IL19: variants seen among roughly 807,000 people sequenced by gnomAD.
IL19 encodes the protein interleukin 19, also known as interleukin-19.
IL19 carries 15 observed loss-of-function variants against 19.5 expected under a neutral mutation model. That is an observed-to-expected ratio of 0.77 (90% confidence interval 0.52 to 1.19). The LOEUF (loss-of-function observed/expected upper bound fraction) is 1.19. IL19 is among the 50% of genes most tolerant of loss of function. The probability of loss-of-function intolerance (pLI) is 0.00; values close to 1 mark genes in which losing one functional copy is unlikely to be tolerated. For synonymous variants in IL19, 78 were observed against 78.3 expected (o/e 1.00, Z 0.02); for missense variants, 199 against 213.1 (o/e 0.93, Z 0.41).
At chr1:206,833,501 A>T (rs946825122) in intron 2 of IL19, among the ~76,000 whole-genome samples, 1 of 152,284 alleles carries the variant, frequency 6.6e-6, no homozygotes, top group South Asian at 2.1e-4. Flanking sequence ...GCAGTAACTC[A>T]GTCCAAACCA....
chr1:206,781,919 A>ATAACATATACATAT (rs1341227817), intron 1 of IL19, among the ~76,000 whole-genome samples: 7 of 106,574 alleles, frequency 6.6e-5, no homozygotes, highest in African/African-American at 2.8e-4. Flanking sequence ...ATATGTATAT[A>ATAACATATACATAT]GTTATATATA....
In IL19 at chr1:206,776,777, G is replaced by T. The variant is rs549124282; in HGVS notation, c.-149+5699G>T. On this transcript the variant is annotated intron_variant, in intron 1 of 6. Coordinates refer to ENST00000659997, the MANE Select transcript of IL19 (RefSeq NM_153758.5). The stretch of plus-strand genomic sequence containing the variant: ...GTAAAGAAATAGCCAATCATCTATC[G>T]CCTGAGAGCACAGCGGGAGGGACAA... 7.9e-5 allele frequency among the ~76,000 whole-genome samples: 12 copies of T among 151,958 alleles called. No individual in the cohort carries two copies. In the South Asian group the frequency reaches 1.2e-3, roughly 16 times the overall value.
At chr1:206,818,813 C>CT (rs1429664563) in intron 2 of IL19, among the ~76,000 whole-genome samples, 6 of 83,730 alleles carry the variant, frequency 7.2e-5, no homozygotes, top group Non-Finnish European at 8.6e-5. Context: ...TTTTCTTTTT[C>CT]TTTCTTTTTT....
At chr1:206,832,666 T>C (rs971807354) in intron 2 of IL19, among the ~76,000 whole-genome samples, 1 of 152,192 alleles carries the variant, frequency 6.6e-6, no homozygotes, top group Non-Finnish European at 1.5e-5. Flanking sequence ...TGCAATTCTA[T>C]GTTCATACAG....
At chr1:206,780,036 T>C (rs911488556) in intron 1 of IL19, among the ~76,000 whole-genome samples, 3 of 146,832 alleles carry the variant, frequency 2.0e-5, no homozygotes, top group African/African-American at 7.4e-5. Context: ...CATTTAGTTC[T>C]CCCTTCCTGC....
At chr1:206,793,872 G>T (rs1047406088) in intron 1 of IL19, among the ~76,000 whole-genome samples, 3 of 152,236 alleles carry the variant, frequency 2.0e-5, no homozygotes, top group African/African-American at 7.2e-5. Flanking sequence ...AGGGAGGAGT[G>T]TGCCTGTTGA....
chr1:206,804,526 C>T (rs753050830), intron 2 of IL19, among the ~76,000 whole-genome samples: 5 of 152,130 alleles, frequency 3.3e-5, no homozygotes, highest in Non-Finnish European at 7.4e-5. Context: ...ATAAAGTGTG[C>T]ATTGTGTGAG....
chr1:206,833,772 TGAAG>T (rs1211524601), intron 2 of IL19: 3 of 985,332 alleles, frequency 3.0e-6, no homozygotes, highest in Non-Finnish European at 3.6e-6. Context: ...GGGGACAAGA[TGAAG>T]GGGAAATAGA....
At chr1:206,794,015 T>A (rs745410910) in intron 1 of IL19, among the ~76,000 whole-genome samples, 2 of 152,170 alleles carry the variant, frequency 1.3e-5, no homozygotes, top group Non-Finnish European at 2.9e-5. Context: ...CACCACTTAA[T>A]GTTCCAAAGA....
Position 206,792,821 on chromosome 1 carries a change from C to A in IL19, c.-148-6040C>A, listed in dbSNP as rs189064464. On this transcript the variant is annotated intron_variant, in intron 1 of 6. Transcript: ENST00000659997. ...ATCTGAGTTCAGAGAGGTAATGTGC[C>A]CAATCCAAGCCTACACAGCTGATAA... Among the ~76,000 whole-genome samples the A allele has an allele frequency of 9.2e-5, 14 of 152,152 alleles. No homozygotes were observed. In the East Asian group the frequency reaches 2.5e-3, roughly 27 times the overall value.
rs34642536 is a variant in IL19, at chr1:206,821,839, G to A, written c.-2-14822G>A. 2.4e-4 allele frequency among the ~76,000 whole-genome samples: 37 copies of A among 152,352 alleles called. No individual in the cohort carries two copies. The East Asian group carries it at 3.5e-3, about 14-fold the overall frequency. ...ATGTCCTTTGTGGGAAGGCTGGAAG[G>A]AAAGCCGCCCACTGAAATGAAAACT... On this transcript the variant is annotated intron_variant, in intron 2 of 6. Transcript: ENST00000659997.
At chr1:206,812,866 G>T (rs1467497286) in intron 2 of IL19, among the ~76,000 whole-genome samples, 1 of 152,000 alleles carries the variant, frequency 6.6e-6, no homozygotes, top group Non-Finnish European at 1.5e-5. Context: ...TACAGGTTTT[G>T]TTGGAAGTTA....
At chr1:206,839,594 T>A (rs926507984) in intron 4 of IL19, among the ~76,000 whole-genome samples, 6 of 152,156 alleles carry the variant, frequency 3.9e-5, no homozygotes, top group African/African-American at 1.4e-4. Flanking sequence ...CTATGATGGA[T>A]TCTGGGCCCC....
intron 1 of IL19, among the ~76,000 whole-genome samples, chr1:206,785,976 G>T (rs1352261297): frequency 6.6e-6 from 1 of 150,510 alleles, no homozygotes; most frequent in African/African-American, 2.4e-5. Flanking sequence ...GTCACAGGAT[G>T]TAAACTGTGT....
intron 1 of IL19, among the ~76,000 whole-genome samples, chr1:206,784,934 C>G (rs1675234641): frequency 1.3e-5 from 2 of 152,180 alleles, no homozygotes; most frequent in South Asian, 4.1e-4. Context: ...AATAAATTCC[C>G]TTGAGAGAGG....
Position 206,823,669 on chromosome 1 carries a change from A to G in IL19, c.-2-12992A>G, listed in dbSNP as rs372318449. 1.0e-3 allele frequency among the ~76,000 whole-genome samples: 152 copies of G among 151,990 alleles called. 1 individual carries two copies. The highest frequency in any genetic ancestry group is 3.4e-3 in the African/African-American group (140 of 41,444). The stretch of plus-strand genomic sequence containing the variant: ...TATCTATTTTATTTTTGTGTTCTCT[A>G]TAATTTTTCCATACCAAAGCAAGGA... On this transcript the variant is annotated intron_variant, in intron 2 of 6. Coordinates refer to ENST00000659997, the MANE Select transcript of IL19 (RefSeq NM_153758.5).
At chr1:206,802,595 A>G (rs1331482776) in intron 2 of IL19, among the ~76,000 whole-genome samples, 1 of 152,180 alleles carries the variant, frequency 6.6e-6, no homozygotes, top group Admixed American at 6.5e-5. Context: ...ATTGGGAAAG[A>G]GCTTCATGGG....
chr1:206,815,701 C>A (rs1396498706), intron 2 of IL19, among the ~76,000 whole-genome samples: 2 of 152,058 alleles, frequency 1.3e-5, no homozygotes, highest in African/African-American at 4.8e-5. Flanking sequence ...CATAACCAGA[C>A]ATATCTTAAA....
At chr1:206,833,875 C>CA in intron 2 of IL19, 2 of 985,386 alleles carry the variant, frequency 2.0e-6, no homozygotes, top group Non-Finnish European at 2.4e-6. Context: ...AGTTAGCTAG[C>CA]ACCTGGCACA....
Sources: gnomAD v4.1 joint callset for allele counts (sites outside exome capture counted in the v4.1 genomes callset) on GRCh38, gnomAD v4.1.1 for gene constraint, MANE v1.5 for transcripts, NCBI Gene and HGNC (gene_info 2026-07-23, HGNC 2026-07-21) for gene names.